ZNF470: variants seen among roughly 807,000 people sequenced by gnomAD.
ZNF470 encodes the protein zinc finger protein 470, also known as chondrogenesis zinc finger protein 1.
A neutral mutation model predicts 13.9 loss-of-function variants in ZNF470; 13 were observed. The ratio of observed to expected loss-of-function variants is 0.94; its 90% CI spans 0.61 to 1.49. The LOEUF is 1.49. ZNF470 is among the 40% of genes most tolerant of loss of function. The probability of loss-of-function intolerance (pLI) is 0.00; values close to 1 mark genes in which losing one functional copy is unlikely to be tolerated. For synonymous variants in ZNF470, 293 were observed against 282.9 expected, an observed-to-expected ratio of 1.04 and a Z score of -0.36; for missense variants, 929 against 857.3, an observed-to-expected ratio of 1.08 and a Z score of -1.04.
chr19:56,574,393 G>A lies in ZNF470; in HGVS notation c.61-1G>A, dbSNP rs2044474869. 7 of 1,613,634 alleles carry A rather than the reference G, an allele frequency of 4.3e-6. No individual in the cohort carries two copies. The highest frequency in any genetic ancestry group is 1.1e-5 in the South Asian group (1 of 91,060). On this transcript the variant is annotated splice_acceptor_variant, in intron 3 of 5. Transcript: ENST00000330619. LOFTEE classifies it high-confidence loss of function. ...GCAAGATCATATTTGTGTCATTTTAGGGTTCAGTGACTTTCACAGATGTGG... is the reference window on the plus strand; with the variant it reads ...GCAAGATCATATTTGTGTCATTTTAAGGTTCAGTGACTTTCACAGATGTGG...
In ZNF470 at chr19:56,576,796, G is replaced by C. The variant is rs780847483; in HGVS notation, c.367G>C (p.Glu123Gln). The C allele has an allele frequency of 6.4e-7, 1 of 1,560,316 alleles. No individual in the cohort carries two copies. Among genetic ancestry groups the C allele is most frequent in the Non-Finnish European group, 8.6e-7 (1 of 1,159,842 alleles). ...EEKLPPAIIM[E>Q]RLKSYDLECS... ...AAAATTACCCCCGGCAATCATAATG[G>C]AAAGACTTAAAAGCTATGACCTTGA... The change falls in exon 6 of 6, where the codon GAA becomes CAA. Residue 123 changes from glutamate to glutamine, a missense_variant. Transcript: ENST00000330619.
rs1157282771 is a variant in ZNF470, at chr19:56,567,603, C to T, written c.-594C>T. 1 of 987,996 alleles carries T rather than the reference C, an allele frequency of 1.0e-6. No individual in the cohort carries two copies. The highest frequency in any genetic ancestry group is 1.2e-6 in the Non-Finnish European group (1 of 832,316). The allele number at this position is 987,996 out of a possible 1,614,324, so 61.2% of individuals were successfully genotyped here. A position where few individuals can be genotyped will look rare whatever the true frequency, so the allele number is the denominator to read the frequency against. On this transcript the variant is annotated 5_prime_UTR_variant, in exon 1 of 6. Coordinates refer to ENST00000330619, the MANE Select transcript of ZNF470 (RefSeq NM_001001668.4). ...GGTGTCCTGGTTCCTGTGTGGGCGGCGGGCGTGAGCGTGCGCGTGTGGCCT... is the reference window on the plus strand; with the variant it reads ...GGTGTCCTGGTTCCTGTGTGGGCGGTGGGCGTGAGCGTGCGCGTGTGGCCT...
rs751765490 is a variant in ZNF470 at position 56,577,582 on chromosome 19, C to G, written c.1153C>G (p.Arg385Gly). The change falls in exon 6 of 6, where the codon CGT becomes GGT. Residue 385 changes from arginine (R) to glycine (G), a missense_variant. Physicochemically the swap from Arg to Gly is moderately radical, Grantham distance 125. Transcript: ENST00000330619. ...KAFRQNASLI[R>G]HRRYYHTGEK... is the part of the protein sequence containing the mutation. The stretch of plus-strand genomic sequence containing the variant: ...TTTCAGGCAGAATGCTTCTCTTATA[C>G]GTCATCGGCGATATTATCATACTGG... 2 of 1,613,912 alleles carry G rather than the reference C, an allele frequency of 1.2e-6. No individual in the cohort carries two copies. The highest frequency in any genetic ancestry group is 1.3e-5 in the African/African-American group (1 of 74,886).
intron 5 of ZNF470, 131 bp from the exon 6 acceptor site, chr19:56,576,582 T>C (rs911996334): frequency 1.4e-5 from 9 of 658,064 alleles, no homozygotes; most frequent in African/African-American, 1.3e-4. Context: ...CCTAATCTTA[T>C]GTAAGAACCA....
intron 2 of ZNF470, among the ~76,000 whole-genome samples, chr19:56,569,659 C>G (rs538258152): frequency 1.3e-5 from 2 of 152,264 alleles, no homozygotes; most frequent in African/African-American, 4.8e-5. Flanking sequence ...ATATGCAGCA[C>G]AGACATGGTG....
Position 56,581,059 on chromosome 19 carries a change from A to G in ZNF470, c.*2476A>G. Reference sequence around the variant, plus strand: ...ACCCCAAAGCTGACATTAGGCTTTTATATGGTGGAAAACATCATAGTCAAT... The same window carrying G: ...ACCCCAAAGCTGACATTAGGCTTTTGTATGGTGGAAAACATCATAGTCAAT... On this transcript the variant is annotated 3_prime_UTR_variant, in exon 6 of 6. Coordinates refer to ENST00000330619, the MANE Select transcript of ZNF470 (RefSeq NM_001001668.4). The G allele has an allele frequency of 1.0e-6, 1 of 985,240 alleles. No individual in the cohort carries two copies. Among genetic ancestry groups the G allele is most frequent in the Non-Finnish European group, 1.2e-6 (1 of 829,746 alleles). The allele number at this position is 985,240 out of a possible 1,614,324, so 61.0% of individuals were successfully genotyped here. A position where few individuals can be genotyped will look rare whatever the true frequency, so the allele number is the denominator to read the frequency against.
intron 5 of ZNF470, 113 bp from the exon 6 acceptor site, chr19:56,576,600 A>G (rs2044489877): frequency 8.3e-6 from 7 of 838,888 alleles, no homozygotes; most frequent in Non-Finnish European, 1.2e-5. Context: ...CCATAAAAAC[A>G]TGTACCTCTG....
chr19:56,581,530 A>G lies in ZNF470; in HGVS notation c.*2947A>G. 1 of 803,776 alleles carries G rather than the reference A, an allele frequency of 1.2e-6. No homozygotes were observed. Among genetic ancestry groups the G allele is most frequent in the Non-Finnish European group, 1.5e-6 (1 of 664,588 alleles). The allele number at this position is 803,776 out of a possible 1,614,324, so 49.8% of individuals were successfully genotyped here. A position where few individuals can be genotyped will look rare whatever the true frequency, so the allele number is the denominator to read the frequency against. ...CATCAGGGTAATAAATAAATTAATT[A>G]TGGTATATATCCATTCAATAGGAAT... On this transcript the variant is annotated 3_prime_UTR_variant, in exon 6 of 6. Transcript: ENST00000330619.
chr19:56,573,483 G>A (rs1429719816), intron 3 of ZNF470, among the ~76,000 whole-genome samples: 1 of 152,182 alleles, frequency 6.6e-6, no homozygotes. Context: ...TTAAAAGTCT[G>A]ATGTTGATAT....
Position 56,577,558 on chromosome 19 carries a change from T to C in ZNF470, c.1129T>C (p.Phe377Leu). ...TGAATGTATTGACTGTGGGAAAGCTTTCAGGCAGAATGCTTCTCTTATACG... is the reference window on the plus strand; with the variant it reads ...TGAATGTATTGACTGTGGGAAAGCTCTCAGGCAGAATGCTTCTCTTATACG... ...PYECIDCGKA[F>L]RQNASLIRHR... is the part of the protein sequence containing the mutation. Residue 377 changes from phenylalanine to leucine, a missense_variant, in exon 6 of 6, where the codon TTC becomes CTC. Physicochemically the swap from Phe to Leu is conservative, Grantham distance 22. Transcript: ENST00000330619. The C allele has an allele frequency of 6.2e-7, 1 of 1,614,088 alleles. No homozygotes were observed. The highest frequency in any genetic ancestry group is 8.5e-7 in the Non-Finnish European group (1 of 1,180,008).
At position 56,581,738 on chromosome 19, in the gene ZNF470, C is replaced by T. The variant is rs904009497; in HGVS notation, c.*3155C>T. 35 of 985,288 alleles carry T rather than the reference C, an allele frequency of 3.6e-5. No individual in the cohort carries two copies. The South Asian group carries it at 4.7e-4, about 13-fold the overall frequency. 61.0% of individuals were successfully genotyped at this position (985,288 alleles called of 1,614,324 possible). A position where few individuals can be genotyped will look rare whatever the true frequency, so the allele number is the denominator to read the frequency against. On this transcript the variant is annotated 3_prime_UTR_variant, in exon 6 of 6. Transcript: ENST00000330619. ...TCTGCCCAGTTTCCCTTGCCTCCTC[C>T]TTTTGGCTGCACTATCTCATCTTTT... is the stretch of plus-strand genomic sequence containing the variant.
At chr19:56,572,371 A>AAAAAAAAAAAAT (rs2044459428) in intron 3 of ZNF470, among the ~76,000 whole-genome samples, 1 of 17,238 alleles carries the variant, frequency 5.8e-5, no homozygotes. Context: ...AAAAAAAAAA[A>AAAAAAAAAAAAT]ATATATATAT....
rs747721080 is a variant in ZNF470, at chr19:56,576,928, C to T, written c.499C>T (p.Leu167Phe). The change falls in exon 6 of 6, where the codon CTT (leucine) becomes TTT (phenylalanine). Residue 167 changes from leucine to phenylalanine, a missense_variant. By Grantham distance (22) the Leu-to-Phe change is conservative. Coordinates refer to ENST00000330619, the MANE Select transcript of ZNF470 (RefSeq NM_001001668.4). ...AGAGACCATCACTCATATAGATACT[C>T]TTATTGAAAAAAGAGATCACTCTAA... Reference protein sequence around the residue: ...RQETITHIDTLIEKRDHSNKS... With the variant: ...RQETITHIDTFIEKRDHSNKS... 27 of 1,578,912 alleles carry T rather than the reference C, an allele frequency of 1.7e-5. No homozygotes were observed. The highest frequency in any genetic ancestry group is 2.2e-5 in the Non-Finnish European group (26 of 1,168,318).
Position 56,578,147 on chromosome 19 carries a change from C to T in ZNF470, c.1718C>T (p.Ala573Val). ...TACGAATGTATTGAATGTGGGAAGG[C>T]CTTTAGTGATGGCTCATATCTTGTT... ...KPYECIECGK[A>V]FSDGSYLVQH... The change falls in exon 6 of 6, where the codon GCC becomes GTC. Residue 573 changes from alanine to valine, a missense_variant. Coordinates refer to ENST00000330619, the MANE Select transcript of ZNF470 (RefSeq NM_001001668.4). 1 of 1,614,028 alleles carries T rather than the reference C, an allele frequency of 6.2e-7. No individual in the cohort carries two copies. Among genetic ancestry groups the T allele is most frequent in the African/African-American group, 1.3e-5 (1 of 75,008 alleles).
At position 56,581,179 on chromosome 19, in the gene ZNF470, T is replaced by C; in HGVS notation, c.*2596T>C. On this transcript the variant is annotated 3_prime_UTR_variant, in exon 6 of 6. Transcript: ENST00000330619. ...AAGTACTATTACAAACCAATAATAA[T>C]CTGCAACTTAGAAAAATGGACTAAT... 1 of 756,636 alleles carries C rather than the reference T, an allele frequency of 1.3e-6. No homozygotes were observed. The highest frequency in any genetic ancestry group is 1.6e-6 in the Non-Finnish European group (1 of 621,522). The allele number at this position is 756,636 out of a possible 1,614,324, so 46.9% of individuals were successfully genotyped here.
Position 56,580,777 on chromosome 19 carries a change from G to T in ZNF470, c.*2194G>T. 1.1e-6 allele frequency: 1 copy of T among 892,684 alleles called. No homozygotes were observed. The highest frequency in any genetic ancestry group is 1.3e-6 in the Non-Finnish European group (1 of 745,956). 55.3% of individuals were successfully genotyped at this position (892,684 alleles called of 1,614,324 possible). On this transcript the variant is annotated 3_prime_UTR_variant, in exon 6 of 6. Transcript: ENST00000330619. ...ATAGAAGCATAATGGCTAGGGGATG[G>T]GTAGTCTCACCAGAGAATGTGGAGC...
chr19:56,579,747 T>C lies in ZNF470; in HGVS notation c.*1164T>C, dbSNP rs2044521585. 1.0e-6 allele frequency: 1 copy of C among 973,588 alleles called. No homozygotes were observed. Among genetic ancestry groups the C allele is most frequent in the South Asian group, 4.7e-5 (1 of 21,068 alleles). The allele number at this position is 973,588 out of a possible 1,614,324, so 60.3% of individuals were successfully genotyped here. The stretch of plus-strand genomic sequence containing the variant: ...AACTTAAACTTATTTTTAAAATATT[T>C]AAAAATAGGAAGGCTAGACATGCCT... On this transcript the variant is annotated 3_prime_UTR_variant, in exon 6 of 6. Transcript: ENST00000330619.
chr19:56,581,616 A>G lies in ZNF470; in HGVS notation c.*3033A>G. ...CATAGAAAGATAGCTGTGCTATACT[A>G]AATGAAAAATTGCAGACCTGTATTG... is the stretch of plus-strand genomic sequence containing the variant. On this transcript the variant is annotated 3_prime_UTR_variant, in exon 6 of 6. Transcript: ENST00000330619. 1.1e-6 allele frequency: 1 copy of G among 879,434 alleles called. No homozygotes were observed. The highest frequency in any genetic ancestry group is 1.4e-6 in the Non-Finnish European group (1 of 733,292). 54.5% of individuals were successfully genotyped at this position (879,434 alleles called of 1,614,324 possible).
chr19:56,580,099 A>T lies in ZNF470; in HGVS notation c.*1516A>T. 1 of 947,090 alleles carries T rather than the reference A, an allele frequency of 1.1e-6. No homozygotes were observed. 58.7% of individuals were successfully genotyped at this position (947,090 alleles called of 1,614,324 possible). On this transcript the variant is annotated 3_prime_UTR_variant, in exon 6 of 6. Transcript: ENST00000330619. ...ATGATATGTCCCATAAAGAGAAATG[A>T]TATAAAAAAGAAGCTAGGGAGTGCT...
Sources: allele counts gnomAD v4.1 joint callset (sites outside exome capture counted in the v4.1 genomes callset), GRCh38; gene constraint gnomAD v4.1.1; transcripts MANE v1.5; gene names NCBI Gene and HGNC (gene_info 2026-07-23, HGNC 2026-07-21).